Variants in FABP12 observed in about 807,000 individuals in gnomAD.
FABP12 encodes the protein fatty acid binding protein 12, also known as fatty acid-binding protein 12.
In FABP12, 19 loss-of-function variants were observed where a neutral mutation model predicts 13.7. The observed-to-expected ratio is 1.39, with a 90% CI of 0.97 to 2.04. The LOEUF is 2.04. Ranked by LOEUF, FABP12 falls within the 30% of genes most tolerant of loss-of-function variation. The pLI, the probability that FABP12 is intolerant of heterozygous loss-of-function variation, is 0.00. For missense variants in FABP12, 182 were observed against 164.2 expected (o/e 1.11, Z -0.59); for synonymous variants, 61 against 57.0 (o/e 1.07, Z -0.32).
At chr8:81,578,512 G>C (rs1352695358) in intron 1 of FABP12, among the ~76,000 whole-genome samples, 6 of 148,356 alleles carry the variant, frequency 4.0e-5, no homozygotes, top group African/African-American at 9.9e-5. Flanking sequence ...TCGAGACAGA[G>C]TCTTGCTCTG....
At chr8:81,528,008 A>G (rs575001041) in intron 3 of FABP12, among the ~76,000 whole-genome samples, 2 of 152,136 alleles carry the variant, frequency 1.3e-5, no homozygotes, top group Non-Finnish European at 2.9e-5. Context: ...AACTCCCATT[A>G]TATGAGCTTA....
chr8:81,560,489 A>C (rs575610794), intron 1 of FABP12, among the ~76,000 whole-genome samples: 154 of 152,200 alleles, frequency 1.0e-3, no homozygotes, highest in African/African-American at 3.7e-3. Context: ...TATTGGCCTC[A>C]AAAAAGGTTG....
intron 1 of FABP12, among the ~76,000 whole-genome samples, chr8:81,563,100 G>C (rs1021016246): frequency 6.6e-6 from 1 of 152,200 alleles, no homozygotes; most frequent in Non-Finnish European, 1.5e-5. Context: ...CTTTGTTTGA[G>C]GGAAATGAAG....
At chr8:81,581,144 C>T (rs575247849) in intron 1 of FABP12, among the ~76,000 whole-genome samples, 1 of 152,144 alleles carries the variant, frequency 6.6e-6, no homozygotes, top group Non-Finnish European at 1.5e-5. Context: ...ATGCTAAACT[C>T]TAATCAGAGT....
upstream of FABP12, among the ~76,000 whole-genome samples, chr8:81,538,409 A>G (rs1393070825): frequency 6.6e-6 from 1 of 152,240 alleles, no homozygotes; most frequent in Non-Finnish European, 1.5e-5. Flanking sequence ...CTTCTTTAGA[A>G]ATGGGATCTT....
At chr8:81,577,408 G>A (rs1483718027) in intron 1 of FABP12, among the ~76,000 whole-genome samples, 1 of 152,186 alleles carries the variant, frequency 6.6e-6, no homozygotes, top group Non-Finnish European at 1.5e-5. Context: ...AGAATATTAT[G>A]TTTCTTGGCC....
chr8:81,545,535 T>G (rs2129999077), intron 1 of FABP12, among the ~76,000 whole-genome samples: 1 of 152,306 alleles, frequency 6.6e-6, no homozygotes, highest in East Asian at 1.9e-4. Context: ...ACATTGAAAA[T>G]GGATGAAGGA....
chr8:81,560,764 G>A (rs1809709212), intron 1 of FABP12, among the ~76,000 whole-genome samples: 1 of 152,208 alleles, frequency 6.6e-6, no homozygotes, highest in Non-Finnish European at 1.5e-5. Context: ...CAGAGATTGA[G>A]TTCCCCCAGG....
intron 1 of FABP12, among the ~76,000 whole-genome samples, chr8:81,572,191 A>G (rs997103201): frequency 4.0e-5 from 6 of 151,686 alleles, no homozygotes; most frequent in East Asian, 3.9e-4. Context: ...CCACATATCA[A>G]TGAGAATATA....
chr8:81,560,480 A>T (rs1194893158), intron 1 of FABP12, among the ~76,000 whole-genome samples: 1 of 152,050 alleles, frequency 6.6e-6, no homozygotes, highest in Non-Finnish European at 1.5e-5. Context: ...GCCTTGTTTT[A>T]TTGGCCTCAA....
chr8:81,580,921 C>T (rs769888941), intron 1 of FABP12, among the ~76,000 whole-genome samples: 3 of 152,102 alleles, frequency 2.0e-5, no homozygotes, highest in East Asian at 1.9e-4. Context: ...GTGTAAGACT[C>T]GGGATAGACT....
At chr8:81,558,790 T>C (rs1809666219) in intron 1 of FABP12, among the ~76,000 whole-genome samples, 1 of 148,306 alleles carries the variant, frequency 6.7e-6, no homozygotes, top group South Asian at 2.1e-4. Context: ...CTTAGGAGGC[T>C]GAGGCAGGAG....
At chr8:81,530,936 G>A (rs1045300550) in intron 2 of FABP12, among the ~76,000 whole-genome samples, 1 of 152,198 alleles carries the variant, frequency 6.6e-6, no homozygotes, top group Non-Finnish European at 1.5e-5. Flanking sequence ...ATCCCCTAAA[G>A]CTTAGAGCAA....
At chr8:81,539,523 A>G (rs926004990) in intron 2 of FABP12, among the ~76,000 whole-genome samples, 1 of 142,310 alleles carries the variant, frequency 7.0e-6, no homozygotes, top group Non-Finnish European at 1.5e-5. Flanking sequence ...TTGTAATCAT[A>G]CAACATCTTT....
chr8:81,565,779 G>C (rs563472388), intron 1 of FABP12, among the ~76,000 whole-genome samples: 8 of 151,662 alleles, frequency 5.3e-5, no homozygotes, highest in Non-Finnish European at 1.2e-4. Context: ...AGAAAATAAA[G>C]AGCAAACCAA....
chr8:81,549,228 T>C (rs200294534), intron 1 of FABP12, among the ~76,000 whole-genome samples: 2 of 149,650 alleles, frequency 1.3e-5, no homozygotes, highest in Admixed American at 6.7e-5. Flanking sequence ...CAGACACACA[T>C]ACACACACAC....
chr8:81,584,734 T>C (rs1030912171), intron 1 of FABP12, among the ~76,000 whole-genome samples: 3 of 152,222 alleles, frequency 2.0e-5, no homozygotes, highest in East Asian at 3.9e-4. Context: ...CTGTTCTTCA[T>C]AGTGGATATT....
chr8:81,571,873 A>C (rs1026182743), intron 1 of FABP12, among the ~76,000 whole-genome samples: 1 of 152,244 alleles, frequency 6.6e-6, no homozygotes, highest in Non-Finnish European at 1.5e-5. Context: ...CCAATTCTTG[A>C]GTCTATCATA....
chr8:81,561,031 G>A (rs1809715175), intron 1 of FABP12, among the ~76,000 whole-genome samples: 1 of 152,122 alleles, frequency 6.6e-6, no homozygotes, highest in African/African-American at 2.4e-5. Context: ...CTCTATGTTT[G>A]TATCACATGT....
Sources: gnomAD v4.1 joint callset for allele counts (sites outside exome capture counted in the v4.1 genomes callset) on GRCh38, gnomAD v4.1.1 for gene constraint, MANE v1.5 for transcripts, NCBI Gene and HGNC (gene_info 2026-07-23, HGNC 2026-07-21) for gene names.